Variants in FKBP1B observed in about 807,000 individuals in gnomAD.
The protein encoded by FKBP1B is FKBP prolyl isomerase 1B.
In FKBP1B, 4 loss-of-function variants were observed where a neutral mutation model predicts 13.5. That is an observed-to-expected ratio of 0.30 (90% CI 0.15 to 0.68). The LOEUF is 0.68. FKBP1B is among the 30% of genes least tolerant of loss of function. FKBP1B has a pLI of 0.76. For synonymous variants in FKBP1B, 54 were observed against 53.6 expected, an observed-to-expected ratio of 1.01 and a Z score of -0.03; for missense variants, 93 against 136.2, an observed-to-expected ratio of 0.68 and a Z score of 1.58.
chr2:24,060,243 G>C (rs963215346), intron 2 of FKBP1B, among the ~76,000 whole-genome samples: 3 of 152,192 alleles, frequency 2.0e-5, no homozygotes, highest in South Asian at 2.1e-4. Context: ...CTGGTGACTT[G>C]GTCGTGGTAA....
At chr2:24,047,612 C>A (rs1156885170), upstream of FKBP1B, among the ~76,000 whole-genome samples, 1 of 152,076 alleles carries the variant, frequency 6.6e-6, no homozygotes, top group African/African-American at 2.4e-5. Context: ...GTAAAACCAC[C>A]GACCGCAAGC....
Position 24,063,463 on chromosome 2 carries a change from A to AT in FKBP1B, c.*271_*272insT. The AT allele has an allele frequency of 5.4e-6, 2 of 372,208 alleles. No homozygotes were observed. Among genetic ancestry groups the AT allele is most frequent in the South Asian group, 7.4e-5 (1 of 13,566 alleles). 23.1% of individuals were successfully genotyped at this position (372,208 alleles called of 1,614,324 possible). A position where few individuals can be genotyped will look rare whatever the true frequency, so the allele number is the denominator to read the frequency against. On this transcript the variant is annotated 3_prime_UTR_variant, in exon 4 of 4. Coordinates refer to ENST00000380986, the MANE Select transcript of FKBP1B (RefSeq NM_004116.5). ...ATGTAGTAGCCTTTCCTGATGACAG[A>AT]ACACAGATCTCTTGTTCGCACAATC... is the stretch of plus-strand genomic sequence containing the variant.
upstream of FKBP1B, chr2:24,047,214 C>T (rs1043312856): frequency 3.3e-5 from 5 of 152,508 alleles, no homozygotes; most frequent in African/African-American, 1.2e-4. Flanking sequence ...TGAATCTCCT[C>T]CTTCCCGCCC....
chr2:24,058,775 T>A, intron 2 of FKBP1B, among the ~76,000 whole-genome samples: 1 of 152,342 alleles, frequency 6.6e-6, no homozygotes, highest in East Asian at 1.9e-4. Flanking sequence ...CATGCACAAG[T>A]ATCTTTGTGT....
At chr2:24,041,075 A>G in the FKBP1B span, among the ~76,000 whole-genome samples, 8 of 152,090 alleles carry the variant, frequency 5.3e-5, no homozygotes, top group Non-Finnish European at 1.2e-4. Context: ...ACGGTGGCTC[A>G]TGCTTGTAAT....
chr2:24,038,665 G>A, the FKBP1B span: 6 of 1,614,186 alleles, frequency 3.7e-6, no homozygotes, highest in South Asian at 3.3e-5. Context: ...TAAATAGGAA[G>A]AAGAAACTGA....
In FKBP1B at chr2:24,063,475, T is replaced by A; in HGVS notation, c.*283T>A. On this transcript the variant is annotated 3_prime_UTR_variant, in exon 4 of 4. Transcript: ENST00000380986. ...TTCCTGATGACAGAACACAGATCTC[T>A]TGTTCGCACAATCTACACTGCCTTA... 2.9e-6 allele frequency: 1 copy of A among 347,608 alleles called. No individual in the cohort carries two copies. Among genetic ancestry groups the A allele is most frequent in the Non-Finnish European group, 5.2e-6 (1 of 193,052 alleles). The allele number at this position is 347,608 out of a possible 1,614,324, so 21.5% of individuals were successfully genotyped here. A position where few individuals can be genotyped will look rare whatever the true frequency, so the allele number is the denominator to read the frequency against.
In FKBP1B at chr2:24,053,954, G is replaced by C; in HGVS notation, c.85+5G>C. On this transcript the variant is annotated splice_donor_5th_base_variant and intron_variant, in intron 2 of 3. Transcript: ENST00000380986. Reference sequence around the variant, plus strand: ...CGTGTGTGGTGCACTACACAGGTAAGTCTCACCCCCTCAGCCCCCACCCAG... The same window carrying C: ...CGTGTGTGGTGCACTACACAGGTAACTCTCACCCCCTCAGCCCCCACCCAG... 6.2e-7 allele frequency: 1 copy of C among 1,614,132 alleles called. No homozygotes were observed. Among genetic ancestry groups the C allele is most frequent in the Non-Finnish European group, 8.5e-7 (1 of 1,179,948 alleles).
chr2:24,038,664 A>G, the FKBP1B span: 4 of 1,614,242 alleles, frequency 2.5e-6, no homozygotes, highest in South Asian at 4.4e-5. Flanking sequence ...CTAAATAGGA[A>G]GAAGAAACTG....
upstream of FKBP1B, among the ~76,000 whole-genome samples, chr2:24,045,350 C>T (rs1663577914): frequency 6.6e-6 from 1 of 152,048 alleles, no homozygotes; most frequent in Non-Finnish European, 1.5e-5. Flanking sequence ...GCCTGTAATC[C>T]CAGCACTTTG....
chr2:24,044,391 T>G, the FKBP1B span, among the ~76,000 whole-genome samples: 6 of 152,072 alleles, frequency 3.9e-5, no homozygotes, highest in Non-Finnish European at 2.9e-5. Flanking sequence ...TGCCTCAGCC[T>G]CCCAAGGAAC....
chr2:24,036,590 C>T, the FKBP1B span, among the ~76,000 whole-genome samples: 1 of 152,272 alleles, frequency 6.6e-6, no homozygotes, highest in South Asian at 2.1e-4. Flanking sequence ...GGGAACCAAT[C>T]CAACAGAAAT....
chr2:24,038,586 T>C, the FKBP1B span: 7 of 1,614,076 alleles, frequency 4.3e-6, no homozygotes, highest in African/African-American at 9.3e-5. Context: ...CCTTTTTTCT[T>C]AGACAAATAA....
chr2:24,039,067 T>G, the FKBP1B span: 1 of 1,613,846 alleles, frequency 6.2e-7, no homozygotes, highest in Non-Finnish European at 8.5e-7. Context: ...ATCATCAGAG[T>G]GAACATTAGG....
Position 24,063,461 on chromosome 2 carries a change from A to AT in FKBP1B, c.*269_*270insT. The AT allele has an allele frequency of 2.7e-6, 1 of 377,246 alleles. No individual in the cohort carries two copies. The highest frequency in any genetic ancestry group is 7.0e-5 in the South Asian group (1 of 14,218). 23.4% of individuals were successfully genotyped at this position (377,246 alleles called of 1,614,324 possible). On this transcript the variant is annotated 3_prime_UTR_variant, in exon 4 of 4. Transcript: ENST00000380986. ...GCATGTAGTAGCCTTTCCTGATGAC[A>AT]GAACACAGATCTCTTGTTCGCACAA... is the stretch of plus-strand genomic sequence containing the variant.
upstream of FKBP1B, among the ~76,000 whole-genome samples, chr2:24,045,480 A>G (rs1241450463): frequency 6.6e-6 from 1 of 151,808 alleles, no homozygotes; most frequent in Non-Finnish European, 1.5e-5. Context: ...GTGTGCCTGT[A>G]GTTCCAGCTA....
chr2:24,049,726 A>G, upstream of FKBP1B: 1 of 725,248 alleles, frequency 1.4e-6, no homozygotes, highest in Non-Finnish European at 1.9e-6. Flanking sequence ...CTCCAGCCGC[A>G]CCTCCTCCGG....
chr2:24,044,791 T>C (rs1454011385), upstream of FKBP1B, among the ~76,000 whole-genome samples: 2 of 144,800 alleles, frequency 1.4e-5, no homozygotes, highest in Non-Finnish European at 3.0e-5. Context: ...GCCTGCATAC[T>C]ATGTGTTGTT....
upstream of FKBP1B, among the ~76,000 whole-genome samples, chr2:24,044,817 TAAAAAAAAAA>T (rs747340836): frequency 6.7e-3 from 696 of 103,916 alleles, 6 homozygotes; most frequent in African/African-American, 0.024. Context: ...GAATTATCTT[TAAAAAAAAAA>T]AAAAAAAAAA....
Sources: gnomAD v4.1 joint callset for allele counts (sites outside exome capture counted in the v4.1 genomes callset) on GRCh38, gnomAD v4.1.1 for gene constraint, MANE v1.5 for transcripts, NCBI Gene and HGNC (gene_info 2026-07-23, HGNC 2026-07-21) for gene names.